CUL5: variants seen among roughly 807,000 people sequenced by gnomAD.
CUL5 encodes cullin-5.
CUL5 carries 26 observed loss-of-function variants against 108.8 expected under a neutral mutation model. The observed-to-expected ratio is 0.24, with a 90% CI of 0.18 to 0.33. The LOEUF (loss-of-function observed/expected upper bound fraction) is 0.33. Ranked by LOEUF, CUL5 falls within the 10% of genes least tolerant of loss-of-function variation. The probability of loss-of-function intolerance (pLI) is 1.00; values close to 1 mark genes in which losing one functional copy is unlikely to be tolerated. For synonymous variants in CUL5, 334 were observed against 298.0 expected (o/e 1.12, Z -1.25); for missense variants, 524 against 909.2 (o/e 0.58, Z 5.45).
chr11:108,088,613 G>A lies in CUL5; in HGVS notation c.1265G>A (p.Ser422Asn), dbSNP rs1230555294. 2 of 1,611,930 alleles carry A rather than the reference G, an allele frequency of 1.2e-6. No individual in the cohort carries two copies. Among genetic ancestry groups the A allele is most frequent in the Non-Finnish European group, 1.7e-6 (2 of 1,179,092 alleles). ...ATGTTGCTAAGAAAAACACCATTAAGCAAAAAACTAACCTCTGAAGAGATT... is the reference window on the plus strand; with the variant it reads ...ATGTTGCTAAGAAAAACACCATTAAACAAAAAACTAACCTCTGAAGAGATT... Reference protein sequence around the residue: ...CDMLLRKTPLSKKLTSEEIEA... With the variant: ...CDMLLRKTPLNKKLTSEEIEA... Residue 422 changes from serine to asparagine, a missense_variant, in exon 12 of 19, where the codon AGC becomes AAC. Physicochemically the swap from Ser to Asn is conservative, Grantham distance 46. Coordinates refer to ENST00000393094, the MANE Select transcript of CUL5 (RefSeq NM_003478.6).
intron 1 of CUL5, among the ~76,000 whole-genome samples, chr11:108,010,238 A>G (rs898916662): frequency 1.3e-5 from 2 of 152,260 alleles, no homozygotes; most frequent in Non-Finnish European, 2.9e-5. Flanking sequence ...CTCAGGGAAC[A>G]TAATATTAAT....
chr11:108,100,769 G>A (rs1311840809), intron 18 of CUL5, among the ~76,000 whole-genome samples: 5 of 151,952 alleles, frequency 3.3e-5, no homozygotes, highest in East Asian at 1.9e-4. Context: ...GGTGGCTCAC[G>A]CCTGTAATCC....
chr11:108,052,830 T>G (rs755193857), intron 5 of CUL5, 29 bp downstream of exon 5: 13 of 1,572,964 alleles, frequency 8.3e-6, no homozygotes, highest in Non-Finnish European at 1.1e-5. Flanking sequence ...TGATCATAAT[T>G]TCTGTTTCAT....
At chr11:108,090,639 A>T (rs184963695) in intron 13 of CUL5, among the ~76,000 whole-genome samples, 1 of 152,242 alleles carries the variant, frequency 6.6e-6, no homozygotes, top group Non-Finnish European at 1.5e-5. Context: ...ATGATGGCCT[A>T]TTTAGGGTAA....
At chr11:108,043,810 C>T (rs1228862047) in intron 2 of CUL5, among the ~76,000 whole-genome samples, 1 of 152,152 alleles carries the variant, frequency 6.6e-6, no homozygotes, top group Non-Finnish European at 1.5e-5. Flanking sequence ...AGGTGGATCA[C>T]CTGAGGTCAG....
intron 1 of CUL5, among the ~76,000 whole-genome samples, chr11:108,012,395 T>C (rs1011311226): frequency 6.6e-6 from 1 of 152,080 alleles, no homozygotes; most frequent in Non-Finnish European, 1.5e-5. Flanking sequence ...CCTTGGTCGA[T>C]ACCAAACATT....
intron 10 of CUL5, among the ~76,000 whole-genome samples, chr11:108,075,906 A>G (rs1284470199): frequency 6.6e-6 from 1 of 152,174 alleles, no homozygotes; most frequent in Non-Finnish European, 1.5e-5. Flanking sequence ...TGAAGGAAAT[A>G]AAGATATCCA....
At chr11:108,080,388 C>T (rs1372778221) in intron 11 of CUL5, among the ~76,000 whole-genome samples, 1 of 152,080 alleles carries the variant, frequency 6.6e-6, no homozygotes, top group African/African-American at 2.4e-5. Context: ...CATGCCCAGG[C>T]CTTTTGCCCA....
chr11:108,073,211 A>G (rs549694766), intron 9 of CUL5, among the ~76,000 whole-genome samples, 179 bp from the exon 10 acceptor site: 3 of 152,092 alleles, frequency 2.0e-5, no homozygotes, highest in African/African-American at 4.8e-5. Flanking sequence ...CAAAAAAAAA[A>G]AAAGGAAGAA....
chr11:108,092,920 G>A (rs1489503928), intron 13 of CUL5, among the ~76,000 whole-genome samples: 3 of 152,096 alleles, frequency 2.0e-5, no homozygotes, highest in African/African-American at 4.8e-5. Context: ...AGGTTCAAGC[G>A]ATTTTCCTGC....
At chr11:108,061,829 C>T (rs1358280987) in intron 7 of CUL5, among the ~76,000 whole-genome samples, 2 of 152,018 alleles carry the variant, frequency 1.3e-5, no homozygotes, top group African/African-American at 4.8e-5. Context: ...GCCTGGGAGT[C>T]CTCAGGAAAC....
intron 7 of CUL5, among the ~76,000 whole-genome samples, chr11:108,059,531 C>T (rs1863481201): frequency 6.6e-6 from 1 of 152,102 alleles, no homozygotes; most frequent in East Asian, 1.9e-4. Context: ...ATTTTACCAG[C>T]TGTCTGCGTT....
intron 13 of CUL5, among the ~76,000 whole-genome samples, chr11:108,092,940 C>T (rs1864393611): frequency 6.6e-6 from 1 of 152,164 alleles, no homozygotes; most frequent in Non-Finnish European, 1.5e-5. Flanking sequence ...CCTCAGCCTC[C>T]TGAGTAGCTG....
intron 2 of CUL5, among the ~76,000 whole-genome samples, chr11:108,045,821 G>A (rs1199158003): frequency 6.6e-6 from 1 of 152,062 alleles, no homozygotes; most frequent in Non-Finnish European, 1.5e-5. Flanking sequence ...GATTGTGCCA[G>A]TGCACACTAG....
chr11:108,029,806 A>G (rs545856544), intron 1 of CUL5, among the ~76,000 whole-genome samples: 22 of 152,332 alleles, frequency 1.4e-4, no homozygotes, highest in African/African-American at 4.6e-4. Context: ...AACAATGTCT[A>G]TTAGGAGATT....
At chr11:108,097,062 G>A (rs912685057) in intron 16 of CUL5, among the ~76,000 whole-genome samples, 1 of 152,028 alleles carries the variant, frequency 6.6e-6, no homozygotes, top group African/African-American at 2.4e-5. Context: ...CTGTCCTCCA[G>A]GTTGGAGTTC....
intron 1 of CUL5, among the ~76,000 whole-genome samples, chr11:108,009,823 G>T (rs1199529771): frequency 6.6e-6 from 1 of 152,052 alleles, no homozygotes; most frequent in Non-Finnish European, 1.5e-5. Flanking sequence ...TTCTCGTTCT[G>T]TCTGCACGAA....
At chr11:108,060,731 G>A (rs1188906946) in intron 7 of CUL5, among the ~76,000 whole-genome samples, 1 of 151,994 alleles carries the variant, frequency 6.6e-6, no homozygotes, top group East Asian at 1.9e-4. Flanking sequence ...CAGCTACTCG[G>A]GAGGCTGAGG....
At position 108,050,072 on chromosome 11, in the gene CUL5, A is replaced by G. The variant is rs777781730; in HGVS notation, c.411+6A>G. 2 of 1,572,614 alleles carry G rather than the reference A, an allele frequency of 1.3e-6. No individual in the cohort carries two copies. The highest frequency in any genetic ancestry group is 4.6e-5 in the East Asian group (2 of 43,904). On this transcript the variant is annotated splice_donor_region_variant and intron_variant, in intron 4 of 18. Transcript: ENST00000393094. ...AAGACAGTATTGTTCGAAAGGTAAGACTATTTTTCTCCTTGTTTTCCTAAT... is the reference window on the plus strand; with the variant it reads ...AAGACAGTATTGTTCGAAAGGTAAGGCTATTTTTCTCCTTGTTTTCCTAAT...
Sources: allele counts gnomAD v4.1 joint callset (sites outside exome capture counted in the v4.1 genomes callset), GRCh38; gene constraint gnomAD v4.1.1; transcripts MANE v1.5; gene names NCBI Gene and HGNC (gene_info 2026-07-23, HGNC 2026-07-21).